CCNF: variants seen among roughly 807,000 people sequenced by gnomAD.
CCNF encodes the protein cyclin F.
Under a neutral mutation model 85.4 loss-of-function variants are expected in CCNF, and 30 were observed. That is an observed-to-expected ratio of 0.35 (90% CI 0.26 to 0.48). CCNF has a LOEUF of 0.48. Ranked by LOEUF, CCNF falls within the 20% of genes least tolerant of loss-of-function variation. The pLI, the probability that CCNF is intolerant of heterozygous loss-of-function variation, is 0.99. For missense variants in CCNF, 919 were observed against 1,010.4 expected, an observed-to-expected ratio of 0.91 and a Z score of 1.23; for synonymous variants, 439 against 425.1, an observed-to-expected ratio of 1.03 and a Z score of -0.40.
chr16:2,448,949 A>G lies in CCNF; in HGVS notation c.1189A>G (p.Ile397Val). 1 of 1,613,736 alleles carries G rather than the reference A, an allele frequency of 6.2e-7. No homozygotes were observed. Among genetic ancestry groups the G allele is most frequent in the African/African-American group, 1.3e-5 (1 of 74,950 alleles). ...YEDLVRMMGE[I>V]VSALEGKIRV... ...GGACCTGGTGAGAATGATGGGCGAG[A>G]TCGTCTCCGCCTTGGAAGGGAAGAT... The change falls in exon 11 of 17, where the codon ATC becomes GTC. Residue 397 changes from isoleucine (I) to valine (V), a missense_variant. Ile to Val is a conservative substitution (Grantham distance 29). Around this residue, in one of 3 missense-constraint regions of CCNF, gnomAD observed 505 missense variants for 514.8 expected, o/e 0.98. Transcript: ENST00000397066.
At position 2,445,457 on chromosome 16, in the gene CCNF, G is replaced by C. The variant is rs1189692059; in HGVS notation, c.930-1G>C. ...GTTCCCACGTGCTTCTCTTTCCGCAGGTACATTCTGATCGACTGGCTGGTG... is the reference window on the plus strand; with the variant it reads ...GTTCCCACGTGCTTCTCTTTCCGCACGTACATTCTGATCGACTGGCTGGTG... On this transcript the variant is annotated splice_acceptor_variant, in intron 9 of 16. Coordinates refer to ENST00000397066, the MANE Select transcript of CCNF (RefSeq NM_001761.3). LOFTEE classifies it high-confidence loss of function. 3 of 1,614,136 alleles carry C rather than the reference G, an allele frequency of 1.9e-6. No individual in the cohort carries two copies. The highest frequency in any genetic ancestry group is 2.5e-6 in the Non-Finnish European group (3 of 1,180,020).
At chr16:2,445,115 C>A (rs2065354278) in intron 9 of CCNF, among the ~76,000 whole-genome samples, 1 of 152,180 alleles carries the variant, frequency 6.6e-6, no homozygotes, top group Non-Finnish European at 1.5e-5. Context: ...TGTCCACCTT[C>A]TCCCGCTCCC....
chr16:2,449,778 C>G (rs1022171561), intron 12 of CCNF, 50 bp from the exon 13 acceptor site: 1 of 715,578 alleles, frequency 1.4e-6, no homozygotes, highest in Non-Finnish European at 2.4e-6. Context: ...TCCCCTCCAT[C>G]CCCTCCGTCC....
chr16:2,439,874 C>A, intron 8 of CCNF, 48 bp downstream of exon 8: 2 of 1,524,884 alleles, frequency 1.3e-6, no homozygotes, highest in Non-Finnish European at 1.8e-6. Context: ...TTTCTCCCTC[C>A]AGCCTTGGGG....
At position 2,437,125 on chromosome 16, in the gene CCNF, G is replaced by C. The variant is rs374319260; in HGVS notation, c.347-4G>C. 5.7e-6 allele frequency: 9 copies of C among 1,578,102 alleles called. No homozygotes were observed. The African/African-American group carries it at 1.1e-4, about 19-fold the overall frequency. On this transcript the variant is annotated splice_polypyrimidine_tract_variant and splice_region_variant and intron_variant, in intron 4 of 16. Transcript: ENST00000397066. The stretch of plus-strand genomic sequence containing the variant: ...CCTGGGCTCTGTCCTGTCTGTCCCC[G>C]CAGTGTCTGTGTCTGATGAGGCCCG...
chr16:2,435,626 CACATATAT>C (rs1567383169), intron 3 of CCNF, among the ~76,000 whole-genome samples, 172 bp from the exon 4 acceptor site: 1 of 10,992 alleles, frequency 9.1e-5, no homozygotes, highest in African/African-American at 2.6e-3. Flanking sequence ...CACACACACA[CACATATAT>C]ATGCACACAC....
In CCNF at chr16:2,458,772, TCA is replaced by T. The variant is rs1454507417; in HGVS notation, c.*1753_*1754del. 1.3e-5 allele frequency: 2 copies of T among 152,430 alleles called. No individual in the cohort carries two copies. The highest frequency in any genetic ancestry group is 3.9e-4 in the East Asian group (2 of 5,178). The allele number at this position is 152,430 out of a possible 1,614,324, so 9.4% of individuals were successfully genotyped here. Reference sequence around the variant, plus strand: ...GTGTGCCCCTGGGCATGTGTGAGCCTCAGTTTCCTCATCTGTAAGGGGGGCAA... The same window carrying T: ...GTGTGCCCCTGGGCATGTGTGAGCCTGTTTCCTCATCTGTAAGGGGGGCAA... On this transcript the variant is annotated 3_prime_UTR_variant, in exon 17 of 17. Coordinates refer to ENST00000397066, the MANE Select transcript of CCNF (RefSeq NM_001761.3).
intron 1 of CCNF, among the ~76,000 whole-genome samples, chr16:2,430,206 A>G (rs995901395): frequency 1.3e-5 from 2 of 152,074 alleles, no homozygotes; most frequent in Non-Finnish European, 2.9e-5. Context: ...TTGGGCCCAC[A>G]GAGGGGAGTG....
intron 10 of CCNF, among the ~76,000 whole-genome samples, chr16:2,447,628 G>A (rs1268903617): frequency 6.6e-6 from 1 of 152,080 alleles, no homozygotes; most frequent in South Asian, 2.1e-4. Context: ...GTGGGCGCCT[G>A]TAGTCCCATC....
At chr16:2,449,746 G>T in intron 12 of CCNF, 82 bp from the exon 13 acceptor site, 1 of 937,000 alleles carries the variant, frequency 1.1e-6, no homozygotes. Flanking sequence ...GTGTTCAGGC[G>T]GCTGTCACCA....
chr16:2,445,562 G>C lies in CCNF; in HGVS notation c.1034G>C (p.Arg345Thr), dbSNP rs768849807. The change falls in exon 10 of 17, where the codon AGG (arginine) becomes ACG (threonine). Residue 345 changes from arginine to threonine, a missense_variant. This residue lies in a region of CCNF where 410 missense variants were observed against 478.6 expected (regional missense o/e 0.86). Coordinates refer to ENST00000397066, the MANE Select transcript of CCNF (RefSeq NM_001761.3). Reference sequence around the variant, plus strand: ...TGTGTGGACCGGTACCTGCGGAGGAGGCTGGTGCCGCGGTACAGGCTCCAG... The same window carrying C: ...TGTGTGGACCGGTACCTGCGGAGGACGCTGGTGCCGCGGTACAGGCTCCAG... ...VECVDRYLRR[R>T]LVPRYRLQLL... 6.2e-7 allele frequency: 1 copy of C among 1,614,002 alleles called. No homozygotes were observed. Among genetic ancestry groups the C allele is most frequent in the South Asian group, 1.1e-5 (1 of 91,072 alleles).
At chr16:2,437,950 A>T in intron 5 of CCNF, 120 bp from the exon 6 acceptor site, 2 of 649,246 alleles carry the variant, frequency 3.1e-6, no homozygotes, top group Non-Finnish European at 5.8e-6. Flanking sequence ...GGCCCTCTGC[A>T]GGGGAGGGAG....
chr16:2,447,569 G>A (rs111583860), intron 10 of CCNF, among the ~76,000 whole-genome samples: 4,395 of 152,030 alleles, frequency 0.029, 79 homozygotes, highest in Non-Finnish European at 0.046. Context: ...GGGCAATGGC[G>A]CAAGACTCTG....
Position 2,432,082 on chromosome 16 carries a change from G to A in CCNF, c.171+798G>A, listed in dbSNP as rs2065265839. Among the ~76,000 whole-genome samples, 5 of 152,066 alleles carry A rather than the reference G, an allele frequency of 3.3e-5. No individual in the cohort carries two copies. The South Asian group carries it at 1.0e-3, about 32-fold the overall frequency. ...CTTGACCTCGTGATCCGCCCGCCTC[G>A]GCCTCCCAAAGTGCTGGGATTACAG... On this transcript the variant is annotated intron_variant, in intron 2 of 16. Transcript: ENST00000397066.
chr16:2,449,309 G>A lies in CCNF; in HGVS notation c.1246G>A (p.Val416Ile), dbSNP rs774622969. The A allele has an allele frequency of 6.2e-7, 1 of 1,613,904 alleles. No homozygotes were observed. Among genetic ancestry groups the A allele is most frequent in the Non-Finnish European group, 8.5e-7 (1 of 1,179,958 alleles). ...CCCCACTGTGGTGGATTACAAGGAG[G>A]TCCTGCTGACGCTAGTCCCTGTGGA... The part of the protein sequence containing the change: ...RVPTVVDYKE[V>I]LLTLVPVELR... The change falls in exon 12 of 17, where the codon GTC becomes ATC. Residue 416 changes from valine (V) to isoleucine (I), a missense_variant. By Grantham distance (29) the Val-to-Ile change is conservative. Coordinates refer to ENST00000397066, the MANE Select transcript of CCNF (RefSeq NM_001761.3).
chr16:2,442,081 C>T (rs1037481628), intron 8 of CCNF, among the ~76,000 whole-genome samples: 2 of 144,398 alleles, frequency 1.4e-5, no homozygotes, highest in African/African-American at 2.6e-5. Flanking sequence ...TCTCGGCTCA[C>T]CACAAGCTCC....
At chr16:2,438,225 A>G in intron 6 of CCNF, 102 bp downstream of exon 6, 1 of 896,590 alleles carries the variant, frequency 1.1e-6, no homozygotes, top group South Asian at 1.3e-5. Context: ...AAGGCCCAAA[A>G]CAAAAGGCAA....
At position 2,446,688 on chromosome 16, in the gene CCNF, GT is replaced by G. The variant is rs1343540354; in HGVS notation, c.1094+1069del. On this transcript the variant is annotated intron_variant, in intron 10 of 16. Transcript: ENST00000397066. Reference sequence around the variant, plus strand: ...GCATATGTGTAAGCTACAGAGACTTGTTTCTTTCTTGCACAGGTAACCCAGA... The same window carrying G: ...GCATATGTGTAAGCTACAGAGACTTGTTCTTTCTTGCACAGGTAACCCAGA... 6.6e-5 allele frequency among the ~76,000 whole-genome samples: 10 copies of G among 152,200 alleles called. No individual in the cohort carries two copies. In the East Asian group the frequency reaches 1.9e-3, roughly 29 times the overall value.
Position 2,456,396 on chromosome 16 carries a change from A to G in CCNF, c.1886-149A>G. On this transcript the variant is annotated intron_variant, in intron 16 of 16. Coordinates refer to ENST00000397066, the MANE Select transcript of CCNF (RefSeq NM_001761.3). This position sits in a 1 kb window ranked among gnomAD's most constrained non-coding sequence, Gnocchi z 4.5. The stretch of plus-strand genomic sequence containing the variant: ...CTGTCCAACTTGGAAGAGGCATGTC[A>G]CCCACGCTTCTCACCACAGGAGGGT... The G allele has an allele frequency of 2.0e-6, 1 of 505,472 alleles. No individual in the cohort carries two copies. Among genetic ancestry groups the G allele is most frequent in the African/African-American group, 1.9e-5 (1 of 51,710 alleles). 31.3% of individuals were successfully genotyped at this position (505,472 alleles called of 1,614,324 possible). A position where few individuals can be genotyped will look rare whatever the true frequency, so the allele number is the denominator to read the frequency against.
Sources: allele counts gnomAD v4.1 joint callset (sites outside exome capture counted in the v4.1 genomes callset), GRCh38; gene constraint gnomAD v4.1.1; regional missense constraint gnomAD v4.1.1; non-coding constraint Gnocchi (gnomAD v3.1); transcripts MANE v1.5; gene names NCBI Gene and HGNC (gene_info 2026-07-23, HGNC 2026-07-21).